F13A1: variants seen among roughly 807,000 people sequenced by gnomAD.
The protein encoded by F13A1 is FSF, A subunit.
In F13A1, 47 loss-of-function variants were observed where a neutral mutation model predicts 80.1. The ratio of observed to expected loss-of-function variants is 0.59; its 90% CI spans 0.46 to 0.75. F13A1 has a LOEUF of 0.75. Ranked by LOEUF, F13A1 falls within the 30% of genes least tolerant of loss-of-function variation. The probability of loss-of-function intolerance (pLI) is 0.00; values close to 1 mark genes in which losing one functional copy is unlikely to be tolerated. For missense variants in F13A1, 817 were observed against 930.4 expected, an observed-to-expected ratio of 0.88 and a Z score of 1.59; for synonymous variants, 349 against 344.9, an observed-to-expected ratio of 1.01 and a Z score of -0.13.
chr6:6,241,432 C>T (rs1190549271), intron 6 of F13A1, among the ~76,000 whole-genome samples: 1 of 152,156 alleles, frequency 6.6e-6, no homozygotes, highest in Non-Finnish European at 1.5e-5. Flanking sequence ...TAGAAGTTCC[C>T]ATTGGCAGTT....
At chr6:6,152,330 G>A (rs1215688169) in intron 13 of F13A1, among the ~76,000 whole-genome samples, 1 of 152,122 alleles carries the variant, frequency 6.6e-6, no homozygotes, top group African/African-American at 2.4e-5. Context: ...GGGACAAAGG[G>A]GATTCCTGAG....
intron 2 of F13A1, among the ~76,000 whole-genome samples, chr6:6,306,758 T>C (rs1399853378): frequency 6.6e-6 from 1 of 152,262 alleles, no homozygotes. Context: ...TTCATGGCTA[T>C]AAGCACCATG....
intron 4 of F13A1, among the ~76,000 whole-genome samples, chr6:6,263,316 G>A (rs1443181022): frequency 6.6e-6 from 1 of 152,028 alleles, no homozygotes; most frequent in East Asian, 1.9e-4. Context: ...CAAGATCATC[G>A]AAGACATCCA....
At chr6:6,174,498 A>T in intron 12 of F13A1, 82 bp downstream of exon 12, 1 of 1,470,848 alleles carries the variant, frequency 6.8e-7, no homozygotes, top group Non-Finnish European at 9.5e-7. Flanking sequence ...ACTTTGATAT[A>T]AAGCTATAAC....
intron 8 of F13A1, among the ~76,000 whole-genome samples, chr6:6,197,698 C>T (rs1358570361): frequency 1.3e-5 from 2 of 151,486 alleles, no homozygotes; most frequent in Non-Finnish European, 2.9e-5. Context: ...AAAGTGACCC[C>T]AAATCCTGTG....
At chr6:6,279,099 G>A (rs1299686991) in intron 3 of F13A1, among the ~76,000 whole-genome samples, 2 of 152,130 alleles carry the variant, frequency 1.3e-5, no homozygotes, top group African/African-American at 2.4e-5. Context: ...CTAAAAGCTG[G>A]AACTGGGTGT....
rs796099369 is a variant in F13A1 at position 6,146,826 on chromosome 6, T to C, written c.2046-1054A>G. 7.9e-5 allele frequency among the ~76,000 whole-genome samples: 12 copies of C among 152,338 alleles called. 1 individual carries two copies. The highest frequency in any genetic ancestry group is 2.9e-4 in the African/African-American group (12 of 41,566). Reference sequence around the variant, plus strand: ...ATAAAAGTGTACACCATATGTTCTATAAGAAAAGGCTTTTTCTAAGATATT... The same window carrying C: ...ATAAAAGTGTACACCATATGTTCTACAAGAAAAGGCTTTTTCTAAGATATT... On this transcript the variant is annotated intron_variant, in intron 14 of 14. Coordinates refer to ENST00000264870, the MANE Select transcript of F13A1 (RefSeq NM_000129.4).
intron 8 of F13A1, among the ~76,000 whole-genome samples, chr6:6,211,864 G>A (rs1029830265): frequency 1.1e-4 from 16 of 152,252 alleles, no homozygotes; most frequent in Non-Finnish European, 1.6e-4. Context: ...TGCCTCACTC[G>A]GGAAGCGCAA....
chr6:6,285,606 C>G (rs1758126217), intron 3 of F13A1, among the ~76,000 whole-genome samples: 1 of 152,236 alleles, frequency 6.6e-6, no homozygotes. Context: ...ACTCCCATTA[C>G]TTCTCTAACA....
intron 10 of F13A1, among the ~76,000 whole-genome samples, chr6:6,195,427 G>C (rs1363909332): frequency 2.0e-5 from 3 of 152,208 alleles, no homozygotes; most frequent in Admixed American, 2.0e-4. Flanking sequence ...AGTCCCAGAG[G>C]GAAGTGGCAT....
At chr6:6,271,915 A>AG (rs1430064942) in intron 3 of F13A1, among the ~76,000 whole-genome samples, 1 of 152,246 alleles carries the variant, frequency 6.6e-6, no homozygotes, top group Non-Finnish European at 1.5e-5. Context: ...GCTGGGATGT[A>AG]GGAGGAAGAA....
intron 5 of F13A1, 149 bp from the exon 6 acceptor site, chr6:6,248,568 T>G: frequency 1.4e-6 from 1 of 690,186 alleles, no homozygotes; most frequent in South Asian, 1.6e-5. Flanking sequence ...GTATGAAATA[T>G]TAAAGTAGAA....
chr6:6,189,622 G>A (rs562768051), intron 10 of F13A1, among the ~76,000 whole-genome samples: 1 of 140,532 alleles, frequency 7.1e-6, no homozygotes, highest in African/African-American at 2.6e-5. Flanking sequence ...TCCCTTTCAG[G>A]GTAACCCGAC....
At chr6:6,224,584 T>C in intron 7 of F13A1, 102 bp downstream of exon 7, 1 of 1,096,068 alleles carries the variant, frequency 9.1e-7, no homozygotes, top group Non-Finnish European at 1.4e-6. Flanking sequence ...AATTCTATAG[T>C]GTCAACAGGG....
intron 3 of F13A1, among the ~76,000 whole-genome samples, chr6:6,294,112 A>T (rs1758278026): frequency 6.6e-6 from 1 of 150,698 alleles, no homozygotes. Context: ...CCTAAAAAAA[A>T]AGTTTTTTTA....
At chr6:6,146,897 T>C (rs1318653229) in intron 14 of F13A1, among the ~76,000 whole-genome samples, 2 of 152,162 alleles carry the variant, frequency 1.3e-5, no homozygotes, top group African/African-American at 4.8e-5. Flanking sequence ...TGCAAAAATA[T>C]GGAACCAGCC....
At chr6:6,165,119 G>A (rs1760643922) in intron 13 of F13A1, among the ~76,000 whole-genome samples, 1 of 152,196 alleles carries the variant, frequency 6.6e-6, no homozygotes, top group African/African-American at 2.4e-5. Context: ...ATGGACAGAA[G>A]CCAGAATCTC....
At chr6:6,175,292 C>G (rs1674813226) in intron 11 of F13A1, among the ~76,000 whole-genome samples, 1 of 152,174 alleles carries the variant, frequency 6.6e-6, no homozygotes, top group South Asian at 2.1e-4. Flanking sequence ...TGCAATGTAA[C>G]TTTTCTCTCT....
intron 13 of F13A1, among the ~76,000 whole-genome samples, chr6:6,156,865 G>C (rs529468543): frequency 1.3e-5 from 2 of 152,198 alleles, no homozygotes; most frequent in Non-Finnish European, 2.9e-5. Context: ...CATATGGCTC[G>C]TGGCTACTGC....
Sources: gnomAD v4.1 joint callset for allele counts (sites outside exome capture counted in the v4.1 genomes callset) on GRCh38, gnomAD v4.1.1 for gene constraint, MANE v1.5 for transcripts, NCBI Gene and HGNC (gene_info 2026-07-23, HGNC 2026-07-21) for gene names.